The following FAM98A variants were observed in gnomAD, a reference collection of about 807,000 sequenced individuals.
FAM98A encodes protein FAM98A.
In FAM98A, 25 loss-of-function variants were observed where a neutral mutation model predicts 62.9. The ratio of observed to expected loss-of-function variants is 0.40; its 90% CI spans 0.29 to 0.56. The LOEUF (loss-of-function observed/expected upper bound fraction) is 0.56. FAM98A is among the 20% of genes least tolerant of loss of function. The pLI is 0.51. For missense variants in FAM98A, 653 were observed against 640.7 expected, an observed-to-expected ratio of 1.02 and a Z score of -0.21; for synonymous variants, 252 against 228.6, an observed-to-expected ratio of 1.10 and a Z score of -0.92.
In FAM98A at chr2:33,586,649, T is replaced by A. The variant is rs2151143403; in HGVS notation, c.633A>T (p.Ile211=). 6.2e-7 allele frequency: 1 copy of A among 1,613,340 alleles called. No homozygotes were observed. The highest frequency in any genetic ancestry group is 1.1e-5 in the South Asian group (1 of 91,078). The part of the protein sequence containing the change: ...WEKIEAINQA[I]ANEYEVRRKL... ...TTCTCCGGACTTCATATTCATTGGC[T>A]ATGGCTTGGTTAATTGCTTCTATCT... The change falls in exon 6 of 8, where the codon ATA becomes ATT. Residue 211 remains isoleucine (I), a synonymous_variant. Transcript: ENST00000238823.
At chr2:33,587,409 G>C in intron 4 of FAM98A, 89 bp from the exon 5 acceptor site, 1 of 1,010,414 alleles carries the variant, frequency 9.9e-7, no homozygotes, top group Non-Finnish European at 1.5e-6. Context: ...GCCATCAAAA[G>C]AAGATTCCTG....
At position 33,599,058 on chromosome 2, in the gene FAM98A, G is replaced by A. The variant is rs370729031; in HGVS notation, c.53+111C>T. ...GGGGCCAAAGGGAAGCGACAGCCAGGAGCCACGGGGTGCGGCGTGGAGAGG... is the reference window on the plus strand; with the variant it reads ...GGGGCCAAAGGGAAGCGACAGCCAGAAGCCACGGGGTGCGGCGTGGAGAGG... On this transcript the variant is annotated intron_variant, in intron 1 of 7. Coordinates refer to ENST00000238823, the MANE Select transcript of FAM98A (RefSeq NM_015475.5). 1.1e-4 allele frequency: 101 copies of A among 887,362 alleles called. No individual in the cohort carries two copies. The African/African-American group carries it at 1.4e-3, about 13-fold the overall frequency. The allele number at this position is 887,362 out of a possible 1,614,324, so 55.0% of individuals were successfully genotyped here. A position where few individuals can be genotyped will look rare whatever the true frequency, so the allele number is the denominator to read the frequency against.
intron 3 of FAM98A, 126 bp downstream of exon 3, chr2:33,591,954 T>C: frequency 1.1e-6 from 1 of 917,904 alleles, no homozygotes. Context: ...AAGAAAGTTT[T>C]ATTTTAAAAT....
At chr2:33,588,742 A>G in intron 3 of FAM98A, 1 of 321,312 alleles carries the variant, frequency 3.1e-6, no homozygotes, top group Non-Finnish European at 5.6e-6. Flanking sequence ...TGTTAATTTT[A>G]AAATAAGCGA....
At chr2:33,587,083 A>C (rs1333193934) in intron 5 of FAM98A, among the ~76,000 whole-genome samples, 157 bp downstream of exon 5, 1 of 152,266 alleles carries the variant, frequency 6.6e-6, no homozygotes, top group Non-Finnish European at 1.5e-5. Flanking sequence ...AATATTCTGC[A>C]GAAATCCTGA....
chr2:33,593,616 G>A (rs895629777), intron 2 of FAM98A, among the ~76,000 whole-genome samples: 3 of 152,192 alleles, frequency 2.0e-5, no homozygotes, highest in African/African-American at 7.2e-5. Flanking sequence ...CTATCACAAA[G>A]GGGAAGAAAT....
Position 33,587,236 on chromosome 2 carries a change from T to C in FAM98A, c.603+4A>G. ...AAAGTTTACTCAAGATGATTACTAC[T>C]CACCCAGTGGGCTGGTCCCATTGGC... is the stretch of plus-strand genomic sequence containing the variant. On this transcript the variant is annotated splice_donor_region_variant and intron_variant, in intron 5 of 7. Coordinates refer to ENST00000238823, the MANE Select transcript of FAM98A (RefSeq NM_015475.5). The C allele has an allele frequency of 1.3e-6, 2 of 1,572,266 alleles. No homozygotes were observed. Among genetic ancestry groups the C allele is most frequent in the Non-Finnish European group, 1.8e-6 (2 of 1,142,046 alleles).
Position 33,584,720 on chromosome 2 carries a change from T to C in FAM98A, c.*56A>G. The C allele has an allele frequency of 6.9e-7, 1 of 1,457,106 alleles. No individual in the cohort carries two copies. The highest frequency in any genetic ancestry group is 2.1e-5 in the Admixed American group (1 of 47,530). The allele number at this position is 1,457,106 out of a possible 1,614,324, so 90.3% of individuals were successfully genotyped here. A position where few individuals can be genotyped will look rare whatever the true frequency, so the allele number is the denominator to read the frequency against. ...TTCAAAATAGGTGCTGAATTCAGGATTCTGAAACTAAGTTTCTATTACTTG... is the reference window on the plus strand; with the variant it reads ...TTCAAAATAGGTGCTGAATTCAGGACTCTGAAACTAAGTTTCTATTACTTG... On this transcript the variant is annotated 3_prime_UTR_variant, in exon 8 of 8. Transcript: ENST00000238823.
At chr2:33,588,602 A>G (rs1324771580) in intron 3 of FAM98A, 83 bp from the exon 4 acceptor site, 2 of 1,016,694 alleles carry the variant, frequency 2.0e-6, no homozygotes, top group Non-Finnish European at 2.8e-6. Flanking sequence ...ATATAGACCT[A>G]TTGATATGTA....
Position 33,584,880 on chromosome 2 carries a change from T to A in FAM98A, c.1453A>T (p.Ser485Cys). The A allele has an allele frequency of 6.2e-7, 1 of 1,613,992 alleles. No homozygotes were observed. Among genetic ancestry groups the A allele is most frequent in the African/African-American group, 1.3e-5 (1 of 74,966 alleles). The part of the protein sequence containing the change: ...GQGGGWGGRG[S>C]QNYHQGGQFE... ...TGACCCCCTTGGTGATAATTCTGGCTCCCTCTTCCTCCCCAGCCTCCTCCC... is the reference window on the plus strand; with the variant it reads ...TGACCCCCTTGGTGATAATTCTGGCACCCTCTTCCTCCCCAGCCTCCTCCC... Residue 485 changes from serine (S) to cysteine (C), a missense_variant, in exon 8 of 8, where the codon AGC (serine) becomes TGC (cysteine). Ser to Cys is a moderately radical substitution (Grantham distance 112, BLOSUM62 -1). Transcript: ENST00000238823.
At chr2:33,597,469 AAC>A (rs1677838762) in intron 1 of FAM98A, among the ~76,000 whole-genome samples, 5 of 152,244 alleles carry the variant, frequency 3.3e-5, no homozygotes, top group African/African-American at 1.2e-4. Flanking sequence ...TAAAATTTAT[AAC>A]AGTTTTCAGA....
rs1439096320 is a variant in FAM98A at position 33,586,742 on chromosome 2, C to G, written c.604-64G>C. On this transcript the variant is annotated intron_variant, in intron 5 of 7. Coordinates refer to ENST00000238823, the MANE Select transcript of FAM98A (RefSeq NM_015475.5). ...TGCTTGATTCTCTGTCCCAAAAGGGCAAAAACTACGTCTGTGTCATTCATA... is the reference window on the plus strand; with the variant it reads ...TGCTTGATTCTCTGTCCCAAAAGGGGAAAAACTACGTCTGTGTCATTCATA... The G allele has an allele frequency of 6.0e-5, 60 of 1,002,820 alleles. No homozygotes were observed. The East Asian group carries it at 1.4e-3, about 24-fold the overall frequency. The allele number at this position is 1,002,820 out of a possible 1,614,324, so 62.1% of individuals were successfully genotyped here.
At chr2:33,597,511 C>G (rs575301053) in intron 1 of FAM98A, among the ~76,000 whole-genome samples, 1 of 151,940 alleles carries the variant, frequency 6.6e-6, no homozygotes, top group South Asian at 2.1e-4. Flanking sequence ...CACTCTATGT[C>G]AAGTAGTTAT....
At position 33,588,350 on chromosome 2, in the gene FAM98A, G is replaced by A. The variant is rs929582682; in HGVS notation, c.507C>T (p.Ser169=). The stretch of plus-strand genomic sequence containing the variant: ...AAGGTCTTACTTTTTTTTCAATCCC[G>A]CTGAAGAATTGGAACATAGTTATAT... ...PANITMFQFF[S]GIEKKLKETL... is the part of the protein sequence containing the mutation. Residue 169 remains serine, a synonymous_variant, in exon 4 of 8, where the codon AGC becomes AGT. Transcript: ENST00000238823. 10 of 1,602,618 alleles carry A rather than the reference G, an allele frequency of 6.2e-6. No homozygotes were observed. Among genetic ancestry groups the A allele is most frequent in the South Asian group, 2.3e-5 (2 of 88,874 alleles).
In FAM98A at chr2:33,585,248, C is replaced by A. The variant is rs1240305930; in HGVS notation, c.1085G>T (p.Gly362Val). 3 of 1,614,124 alleles carry A rather than the reference C, an allele frequency of 1.9e-6. No individual in the cohort carries two copies. The highest frequency in any genetic ancestry group is 2.5e-6 in the Non-Finnish European group (3 of 1,180,012). The change falls in exon 8 of 8, where the codon GGA (glycine) becomes GTA (valine). Residue 362 changes from glycine to valine, a missense_variant. By Grantham distance (109) the Gly-to-Val change is moderately radical (BLOSUM62 -3). Coordinates refer to ENST00000238823, the MANE Select transcript of FAM98A (RefSeq NM_015475.5). ...GGHEQGGGRG[G>V]RGGYDHGGRG... The stretch of plus-strand genomic sequence containing the variant: ...GCCACCATGGTCATAGCCACCACGT[C>A]CACCTCTCCCGCCTCCTTGTTCATG...
At chr2:33,594,598 CACAT>C (rs1158637902) in intron 2 of FAM98A, among the ~76,000 whole-genome samples, 1 of 131,194 alleles carries the variant, frequency 7.6e-6, no homozygotes, top group Non-Finnish European at 1.6e-5. Context: ...CACACACACA[CACAT>C]ACATACACAC....
At position 33,585,429 on chromosome 2, in the gene FAM98A, C is replaced by T. The variant is rs773087017; in HGVS notation, c.904G>A (p.Val302Met). 6.2e-7 allele frequency: 1 copy of T among 1,614,140 alleles called. No homozygotes were observed. Among genetic ancestry groups the T allele is most frequent in the South Asian group, 1.1e-5 (1 of 91,080 alleles). ...TTGGGTCTACCACCTCTGTCAGGCA[C>T]CCTGCCCATCAACACCTACAGAATA... ...CAINKVLMGR[V>M]PDRGGRPNEI... is the part of the protein sequence containing the mutation. Residue 302 changes from valine (V) to methionine (M), a missense_variant, in exon 8 of 8, where the codon GTG becomes ATG. Physicochemically the swap from Val to Met is conservative, Grantham distance 21. Coordinates refer to ENST00000238823, the MANE Select transcript of FAM98A (RefSeq NM_015475.5).
At chr2:33,592,432 C>T (rs746316378) in intron 2 of FAM98A, among the ~76,000 whole-genome samples, 1 of 151,794 alleles carries the variant, frequency 6.6e-6, no homozygotes, top group Admixed American at 6.6e-5. Context: ...GTGGTGTGAT[C>T]AGGGCTTACT....
chr2:33,597,856 C>T (rs1677848881), intron 1 of FAM98A, among the ~76,000 whole-genome samples: 1 of 152,162 alleles, frequency 6.6e-6, no homozygotes, highest in Admixed American at 6.5e-5. Context: ...TCACCTTGTA[C>T]TCTAAGGGCC....
Sources: allele counts gnomAD v4.1 joint callset (sites outside exome capture counted in the v4.1 genomes callset), GRCh38; gene constraint gnomAD v4.1.1; transcripts MANE v1.5; gene names NCBI Gene and HGNC (gene_info 2026-07-23, HGNC 2026-07-21).